GNG7: variants seen among roughly 807,000 people sequenced by gnomAD.
GNG7 encodes the protein G protein subunit gamma 7, also known as guanine nucleotide-binding protein G(I)/G(S)/G(O) subunit gamma-7.
In GNG7, 1 loss-of-function variant was observed where a neutral mutation model predicts 4.0. The observed-to-expected ratio is 0.25, with a 90% confidence interval of 0.09 to 1.18. The LOEUF is 1.18. Among genes scored for constraint, GNG7 ranks in the 50% most tolerant of loss-of-function variants. The probability of loss-of-function intolerance (pLI) is 0.50; values close to 1 mark genes in which losing one functional copy is unlikely to be tolerated. For synonymous variants in GNG7, 34 were observed against 36.9 expected (o/e 0.92, Z 0.29); for missense variants, 86 against 91.9 (o/e 0.94, Z 0.26).
intron 2 of GNG7, among the ~76,000 whole-genome samples, chr19:2,578,978 T>TGCTTGTCTGTC (rs1483090020): frequency 2.6e-5 from 4 of 151,520 alleles, no homozygotes; most frequent in East Asian, 1.9e-4. Flanking sequence ...GCGCCAGACC[T>TGCTTGTCTGTC]GCTTGTCTGT....
At chr19:2,631,235 C>T (rs749456931) in intron 2 of GNG7, among the ~76,000 whole-genome samples, 1 of 152,136 alleles carries the variant, frequency 6.6e-6, no homozygotes, top group Non-Finnish European at 1.5e-5. Context: ...ACAGAGATGG[C>T]CCAGGGTCAC....
chr19:2,691,860 G>A (rs1310354624), intron 1 of GNG7, among the ~76,000 whole-genome samples: 1 of 94,142 alleles, frequency 1.1e-5, no homozygotes, highest in Non-Finnish European at 2.0e-5. Flanking sequence ...GAGCAAGATT[G>A]CATCTCAAAA....
At chr19:2,644,480 G>A (rs530959726) in intron 2 of GNG7, among the ~76,000 whole-genome samples, 17 of 150,726 alleles carry the variant, frequency 1.1e-4, no homozygotes, top group South Asian at 2.1e-4. Flanking sequence ...TATTATCTGC[G>A]GCACCAAAAA....
At chr19:2,578,706 A>C (rs1980414324) in intron 2 of GNG7, among the ~76,000 whole-genome samples, 1 of 152,194 alleles carries the variant, frequency 6.6e-6, no homozygotes, top group South Asian at 2.1e-4. Context: ...CGTCCTGGGC[A>C]CTGCAGGGTG....
intron 2 of GNG7, among the ~76,000 whole-genome samples, chr19:2,637,604 C>T (rs1255833547): frequency 2.0e-5 from 3 of 152,234 alleles, no homozygotes; most frequent in Admixed American, 1.3e-4. Flanking sequence ...CCCTTTGTAA[C>T]AGAGAACCCC....
At chr19:2,596,009 CT>C (rs1368102730) in intron 2 of GNG7, among the ~76,000 whole-genome samples, 2 of 151,938 alleles carry the variant, frequency 1.3e-5, no homozygotes, top group East Asian at 3.9e-4. Context: ...TGTTACTCTA[CT>C]ACAGAGGAGG....
At chr19:2,529,393 T>G (rs537730328) in intron 3 of GNG7, among the ~76,000 whole-genome samples, 1 of 152,128 alleles carries the variant, frequency 6.6e-6, no homozygotes, top group Non-Finnish European at 1.5e-5. Flanking sequence ...AATTTTTGTA[T>G]TTTTAGTGGA....
intron 3 of GNG7, among the ~76,000 whole-genome samples, chr19:2,543,499 C>A (rs1979029248): frequency 6.6e-6 from 1 of 152,120 alleles, no homozygotes; most frequent in South Asian, 2.1e-4. Flanking sequence ...TGCTAGGATC[C>A]CGGGCATGAA....
At chr19:2,574,131 G>A (rs1455345580) in intron 2 of GNG7, among the ~76,000 whole-genome samples, 1 of 152,152 alleles carries the variant, frequency 6.6e-6, no homozygotes, top group Non-Finnish European at 1.5e-5. Context: ...CGCCCTGCCA[G>A]CCACCCCCAC....
intron 1 of GNG7, among the ~76,000 whole-genome samples, chr19:2,695,582 G>A (rs537266543): frequency 4.6e-5 from 7 of 151,966 alleles, no homozygotes; most frequent in South Asian, 2.1e-4. Context: ...CAGGGGCACC[G>A]GGGAGGTGGA....
At chr19:2,538,371 C>A in intron 3 of GNG7, 1 of 430,516 alleles carries the variant, frequency 2.3e-6, no homozygotes. Flanking sequence ...GCCTGTGATC[C>A]TACCACTTTG....
At chr19:2,584,802 A>G (rs1410863731) in intron 2 of GNG7, among the ~76,000 whole-genome samples, 1 of 36,976 alleles carries the variant, frequency 2.7e-5, no homozygotes, top group Non-Finnish European at 4.5e-5. Context: ...GAAGGAAAGA[A>G]GGAAGGAGGG....
At chr19:2,694,268 T>C (rs1014237834) in intron 1 of GNG7, among the ~76,000 whole-genome samples, 8 of 152,022 alleles carry the variant, frequency 5.3e-5, no homozygotes, top group African/African-American at 1.7e-4. Flanking sequence ...CTTAACTAGT[T>C]CAACCATAGT....
chr19:2,586,739 CT>C (rs1010694413), intron 2 of GNG7, among the ~76,000 whole-genome samples: 1 of 152,020 alleles, frequency 6.6e-6, no homozygotes, highest in Non-Finnish European at 1.5e-5. Flanking sequence ...AATCCCAGCA[CT>C]TTGGGAGGCT....
chr19:2,556,738 C>T (rs1669159512), intron 2 of GNG7, among the ~76,000 whole-genome samples: 1 of 152,164 alleles, frequency 6.6e-6, no homozygotes, highest in Non-Finnish European at 1.5e-5. Context: ...CTGAGGTCAC[C>T]TTCTCCTAAG....
intron 1 of GNG7, among the ~76,000 whole-genome samples, chr19:2,702,105 C>T (rs1056837753): frequency 2.6e-5 from 4 of 151,146 alleles, no homozygotes; most frequent in Middle Eastern, 6.8e-3. Flanking sequence ...TCCAAGCTCC[C>T]TCCCCAGCTA....
intron 1 of GNG7, among the ~76,000 whole-genome samples, chr19:2,661,294 GAAAGAAAGA>G (rs1349074048): frequency 4.7e-4 from 20 of 42,496 alleles, no homozygotes; most frequent in Non-Finnish European, 6.9e-4. Context: ...AAGAAAGAAA[GAAAGAAAGA>G]GAAAGAAAGA....
chr19:2,696,806 AG>A (rs1041153873), intron 1 of GNG7, among the ~76,000 whole-genome samples: 2 of 152,042 alleles, frequency 1.3e-5, no homozygotes, highest in African/African-American at 2.4e-5. Context: ...GGGCTGGGGG[AG>A]GGGGTGGAGA....
intron 3 of GNG7, among the ~76,000 whole-genome samples, chr19:2,553,125 C>CAAAAAAA (rs36098274): frequency 1.8e-5 from 2 of 112,396 alleles, no homozygotes; most frequent in African/African-American, 3.5e-5. Context: ...AAAGCAAAAC[C>CAAAAAAA]AAAAAAAAAA....
Sources: gnomAD v4.1 joint callset for allele counts (sites outside exome capture counted in the v4.1 genomes callset) on GRCh38, gnomAD v4.1.1 for gene constraint, MANE v1.5 for transcripts, NCBI Gene and HGNC (gene_info 2026-07-23, HGNC 2026-07-21) for gene names.